The following PDE4B variants were observed in gnomAD, a reference collection of about 807,000 sequenced individuals.
PDE4B encodes the protein 3',5'-cyclic-AMP phosphodiesterase 4B.
Under a neutral mutation model 82.2 loss-of-function variants are expected in PDE4B, and 20 were observed. The observed-to-expected ratio is 0.24, with a 90% confidence interval of 0.17 to 0.35. PDE4B has a LOEUF of 0.35. PDE4B is among the 10% of genes least tolerant of loss of function. The pLI is 1.00. For synonymous variants in PDE4B, 320 were observed against 318.9 expected (o/e 1.00, Z -0.04); for missense variants, 655 against 907.2 (o/e 0.72, Z 3.57).
chr1:66,107,327 T>C (rs1282032615), intron 3 of PDE4B, among the ~76,000 whole-genome samples: 5 of 152,060 alleles, frequency 3.3e-5, no homozygotes, highest in African/African-American at 1.2e-4. Flanking sequence ...TTCTGATCTT[T>C]CATTCATTAT....
At chr1:66,107,541 C>T (rs905129119) in intron 3 of PDE4B, among the ~76,000 whole-genome samples, 1 of 151,834 alleles carries the variant, frequency 6.6e-6, no homozygotes, top group Non-Finnish European at 1.5e-5. Flanking sequence ...ACCTGCCTTC[C>T]CATGAGACTT....
intron 3 of PDE4B, among the ~76,000 whole-genome samples, chr1:66,123,866 G>T (rs1160677626): frequency 6.6e-6 from 1 of 152,064 alleles, no homozygotes; most frequent in Admixed American, 6.6e-5. Context: ...TGGGTTAAAG[G>T]CTCTTGCTCT....
chr1:66,049,810 C>T (rs1570091861), intron 3 of PDE4B, among the ~76,000 whole-genome samples: 1 of 151,948 alleles, frequency 6.6e-6, no homozygotes, highest in Non-Finnish European at 1.5e-5. Flanking sequence ...AGCATTTCAA[C>T]CACCGTGTAC....
intron 3 of PDE4B, among the ~76,000 whole-genome samples, chr1:66,148,382 A>G (rs547849247): frequency 6.6e-6 from 1 of 152,214 alleles, no homozygotes; most frequent in African/African-American, 2.4e-5. Flanking sequence ...TGTTATCTAA[A>G]TCCTGTCTAT....
intron 3 of PDE4B, among the ~76,000 whole-genome samples, chr1:65,992,259 G>A (rs1173906946): frequency 2.0e-5 from 3 of 152,112 alleles, no homozygotes; most frequent in East Asian, 1.9e-4. Flanking sequence ...AAGACAGTTA[G>A]CCTCACAAAT....
chr1:65,967,137 A>T (rs1294777346), intron 3 of PDE4B, among the ~76,000 whole-genome samples: 1 of 152,226 alleles, frequency 6.6e-6, no homozygotes, highest in Non-Finnish European at 1.5e-5. Flanking sequence ...CAATCTATCC[A>T]TCTGACAAAA....
intron 3 of PDE4B, among the ~76,000 whole-genome samples, chr1:65,985,198 A>C (rs920728130): frequency 1.3e-5 from 2 of 152,178 alleles, no homozygotes; most frequent in Non-Finnish European, 2.9e-5. Context: ...ATAGTAGTAA[A>C]ATATTAATTT....
intron 3 of PDE4B, among the ~76,000 whole-genome samples, chr1:65,963,751 C>G (rs970132480): frequency 3.9e-5 from 6 of 152,200 alleles, no homozygotes; most frequent in African/African-American, 1.4e-4. Flanking sequence ...CCCTGTCACA[C>G]TCATTCTTCC....
chr1:65,875,506 G>T (rs1646629202), intron 1 of PDE4B, among the ~76,000 whole-genome samples: 1 of 145,020 alleles, frequency 6.9e-6, no homozygotes, highest in Admixed American at 7.0e-5. Context: ...GCACACATAT[G>T]TTTATTGCGG....
intron 7 of PDE4B, among the ~76,000 whole-genome samples, chr1:66,281,523 T>C (rs1268419405): frequency 6.6e-6 from 1 of 152,224 alleles, no homozygotes; most frequent in East Asian, 1.9e-4. Context: ...AAGTTTAACA[T>C]GGGTTTTCCT....
At chr1:66,326,482 T>TA (rs1357716175) in intron 7 of PDE4B, among the ~76,000 whole-genome samples, 1 of 152,252 alleles carries the variant, frequency 6.6e-6, no homozygotes, top group Non-Finnish European at 1.5e-5. Context: ...TATTTTTTCA[T>TA]ATACATTTTA....
chr1:66,317,344 C>T (rs1659095665), intron 7 of PDE4B, among the ~76,000 whole-genome samples: 3 of 152,150 alleles, frequency 2.0e-5, no homozygotes, highest in Admixed American at 2.0e-4. Flanking sequence ...TCTGCTGCAC[C>T]AAACCCTACC....
chr1:65,824,693 T>C (rs947687762), intron 1 of PDE4B, among the ~76,000 whole-genome samples: 2 of 151,546 alleles, frequency 1.3e-5, no homozygotes, highest in Non-Finnish European at 2.9e-5. Flanking sequence ...CATAAACCAA[T>C]AAATTCTCTG....
intron 6 of PDE4B, among the ~76,000 whole-genome samples, chr1:66,263,216 C>T (rs1011366593): frequency 1.4e-4 from 21 of 152,130 alleles, no homozygotes; most frequent in African/African-American, 4.8e-4. Flanking sequence ...GTTCAGTAAG[C>T]ACAGGAAACT....
chr1:65,886,363 TTA>T (rs1239235366), intron 1 of PDE4B, among the ~76,000 whole-genome samples: 1 of 152,178 alleles, frequency 6.6e-6, no homozygotes, highest in African/African-American at 2.4e-5. Flanking sequence ...TGAATATGTA[TTA>T]TTTCTATGTA....
chr1:66,031,530 C>G (rs1653775997), intron 3 of PDE4B, among the ~76,000 whole-genome samples: 1 of 152,108 alleles, frequency 6.6e-6, no homozygotes, highest in Admixed American at 6.5e-5. Context: ...GGTTTTTTCC[C>G]TATTATTTCA....
chr1:65,962,505 T>C (rs1649593963), intron 3 of PDE4B, among the ~76,000 whole-genome samples: 1 of 152,128 alleles, frequency 6.6e-6, no homozygotes, highest in African/African-American at 2.4e-5. Context: ...AGATTCTGAC[T>C]TTCAAAACAT....
At chr1:66,023,593 G>A (rs192163818) in intron 3 of PDE4B, among the ~76,000 whole-genome samples, 1 of 152,218 alleles carries the variant, frequency 6.6e-6, no homozygotes, top group African/African-American at 2.4e-5. Context: ...AGGTGGAAGA[G>A]GGAATTCCAG....
chr1:66,030,380 A>G (rs1291170432), intron 3 of PDE4B, among the ~76,000 whole-genome samples: 1 of 152,098 alleles, frequency 6.6e-6, no homozygotes, highest in Non-Finnish European at 1.5e-5. Flanking sequence ...TGAGTTAGGG[A>G]GAAGCCCCTC....
Sources: allele counts gnomAD v4.1 joint callset (sites outside exome capture counted in the v4.1 genomes callset), GRCh38; gene constraint gnomAD v4.1.1; transcripts MANE v1.5; gene names NCBI Gene and HGNC (gene_info 2026-07-23, HGNC 2026-07-21).